The following SNX9 variants were observed in gnomAD, a reference collection of about 807,000 sequenced individuals.
The protein encoded by SNX9 is sorting nexin-9.
In SNX9, 44 loss-of-function variants were observed where a neutral mutation model predicts 89.4. That is an observed-to-expected ratio of 0.49 (90% confidence interval 0.39 to 0.63). SNX9 has a LOEUF of 0.63. Among genes scored for constraint, SNX9 ranks in the 30% least tolerant of loss-of-function variants. The pLI, the probability that SNX9 is intolerant of heterozygous loss-of-function variation, is 0.00. For synonymous variants in SNX9, 236 were observed against 247.8 expected, an observed-to-expected ratio of 0.95 and a Z score of 0.45; for missense variants, 578 against 736.1, an observed-to-expected ratio of 0.79 and a Z score of 2.49.
intron 10 of SNX9, among the ~76,000 whole-genome samples, chr6:157,926,719 T>A (rs551294329): frequency 1.0e-3 from 138 of 135,004 alleles, no homozygotes; most frequent in African/African-American, 3.7e-3. Flanking sequence ...AGCTCAAGGA[T>A]ACAGTGAGCT....
chr6:157,830,534 T>A (rs1185460235), intron 1 of SNX9: 1 of 152,334 alleles, frequency 6.6e-6, no homozygotes, highest in Non-Finnish European at 1.5e-5. Context: ...TTGCACAGCT[T>A]GGGTTTCCTG....
chr6:157,935,661 G>A (rs866870936), intron 13 of SNX9, among the ~76,000 whole-genome samples: 4 of 152,140 alleles, frequency 2.6e-5, no homozygotes, highest in South Asian at 4.1e-4. Context: ...TGACAGTCTC[G>A]TCATAGGTGT....
intron 11 of SNX9, among the ~76,000 whole-genome samples, chr6:157,927,544 CT>C (rs1297611097): frequency 6.6e-6 from 1 of 152,122 alleles, no homozygotes; most frequent in African/African-American, 2.4e-5. Flanking sequence ...CAGCAAATCT[CT>C]TTGAACATTG....
At chr6:157,872,835 G>A (rs913605917) in intron 2 of SNX9, 15 of 274,378 alleles carry the variant, frequency 5.5e-5, no homozygotes, top group African/African-American at 8.8e-5. Flanking sequence ...CCAGTACACA[G>A]ACAAGATGAG....
At chr6:157,858,688 A>C (rs981413785) in intron 1 of SNX9, among the ~76,000 whole-genome samples, 4 of 152,220 alleles carry the variant, frequency 2.6e-5, no homozygotes, top group African/African-American at 7.2e-5. Context: ...TTTATAAAGA[A>C]AAGAGATTTA....
intron 5 of SNX9, 113 bp from the exon 6 acceptor site, chr6:157,901,784 CA>C (rs376566757): frequency 1.6e-3 from 1,978 of 1,219,932 alleles, no homozygotes; most frequent in African/African-American, 3.9e-3. Context: ...TTTTCTCCAT[CA>C]AAAAAAAATT....
In SNX9 at chr6:157,912,798, T is replaced by A. The variant is rs568268402; in HGVS notation, c.949+2773T>A. Among the ~76,000 whole-genome samples the A allele has an allele frequency of 2.0e-5, 3 of 152,360 alleles. No individual in the cohort carries two copies. The South Asian group carries it at 6.2e-4, about 32-fold the overall frequency. On this transcript the variant is annotated intron_variant, in intron 9 of 17. Coordinates refer to ENST00000392185, the MANE Select transcript of SNX9 (RefSeq NM_016224.5). ...TAATATTGAATGAATATAGTTTTATTCCTGGTACCAAACTGACATATTCAT... is the reference window on the plus strand; with the variant it reads ...TAATATTGAATGAATATAGTTTTATACCTGGTACCAAACTGACATATTCAT...
chr6:157,875,453 G>C (rs1782499019), intron 4 of SNX9, among the ~76,000 whole-genome samples: 1 of 152,130 alleles, frequency 6.6e-6, no homozygotes, highest in African/African-American at 2.4e-5. Flanking sequence ...CCCAGAAACT[G>C]CAAATACCCT....
At chr6:157,868,733 A>G (rs1403438704) in intron 2 of SNX9, among the ~76,000 whole-genome samples, 1 of 152,202 alleles carries the variant, frequency 6.6e-6, no homozygotes, top group Non-Finnish European at 1.5e-5. Context: ...ATGTAACAAA[A>G]ATTGTATCAA....
intron 6 of SNX9, among the ~76,000 whole-genome samples, 167 bp downstream of exon 6, chr6:157,902,212 T>TAA (rs57207307): frequency 0.036 from 5,263 of 144,904 alleles, 229 homozygotes; most frequent in African/African-American, 0.1. Context: ...GAAGCTTACT[T>TAA]AAAAAAAAAA....
At chr6:157,901,840 A>G in intron 5 of SNX9, 58 bp from the exon 6 acceptor site, 2 of 1,560,458 alleles carry the variant, frequency 1.3e-6, no homozygotes, top group Non-Finnish European at 8.6e-7. Flanking sequence ...AAGTAATTTC[A>G]TTTTTATTTT....
At chr6:157,909,200 G>A (rs373378549) in intron 7 of SNX9, among the ~76,000 whole-genome samples, 11 of 152,170 alleles carry the variant, frequency 7.2e-5, no homozygotes, top group African/African-American at 1.2e-4. Flanking sequence ...CTGATCCACC[G>A]TGAGATAGGT....
At chr6:157,851,181 C>G (rs1331153792) in intron 1 of SNX9, among the ~76,000 whole-genome samples, 3 of 151,238 alleles carry the variant, frequency 2.0e-5, no homozygotes, top group Non-Finnish European at 4.4e-5. Flanking sequence ...TTGCCTGAAC[C>G]TGGGAGGTGG....
At chr6:157,859,291 GTTTC>G (rs1782072455) in intron 1 of SNX9, among the ~76,000 whole-genome samples, 1 of 152,126 alleles carries the variant, frequency 6.6e-6, no homozygotes, top group Non-Finnish European at 1.5e-5. Context: ...TTTATTTAAT[GTTTC>G]TTTATGGAAA....
At chr6:157,889,015 G>A (rs926800366) in intron 4 of SNX9, among the ~76,000 whole-genome samples, 8 of 152,160 alleles carry the variant, frequency 5.3e-5, no homozygotes, top group African/African-American at 1.7e-4. Context: ...AAGGGGAGGT[G>A]TAAGGAAAGA....
chr6:157,846,095 T>G (rs567225197), intron 1 of SNX9, among the ~76,000 whole-genome samples: 11 of 152,350 alleles, frequency 7.2e-5, no homozygotes, highest in African/African-American at 2.6e-4. Flanking sequence ...GAGATTGTCT[T>G]CGGCTTCTCT....
At chr6:157,836,345 C>T (rs963337212) in intron 1 of SNX9, among the ~76,000 whole-genome samples, 2 of 152,074 alleles carry the variant, frequency 1.3e-5, no homozygotes, top group African/African-American at 4.8e-5. Context: ...TCTCAAACTC[C>T]CCTCTTCTCT....
At chr6:157,839,436 G>A (rs1026585875) in intron 1 of SNX9, among the ~76,000 whole-genome samples, 3 of 152,166 alleles carry the variant, frequency 2.0e-5, no homozygotes, top group African/African-American at 7.2e-5. Context: ...ATATAGCATA[G>A]AGATTAGGAG....
chr6:157,868,414 A>G (rs1474261330), intron 2 of SNX9, among the ~76,000 whole-genome samples: 1 of 152,218 alleles, frequency 6.6e-6, no homozygotes, highest in Non-Finnish European at 1.5e-5. Context: ...ATGCCCTCCC[A>G]GAGAAGCATC....
Sources: allele counts gnomAD v4.1 joint callset (sites outside exome capture counted in the v4.1 genomes callset), GRCh38; gene constraint gnomAD v4.1.1; transcripts MANE v1.5; gene names NCBI Gene and HGNC (gene_info 2026-07-23, HGNC 2026-07-21).